DPP10: variants seen among roughly 807,000 people sequenced by gnomAD.
DPP10 encodes dipeptidyl peptidase like 10, also known as inactive dipeptidyl peptidase 10.
A neutral mutation model predicts 120.9 loss-of-function variants in DPP10; 33 were observed. That is an observed-to-expected ratio of 0.27 (90% CI 0.21 to 0.37). The LOEUF is 0.37. Ranked by LOEUF, DPP10 falls within the 10% of genes least tolerant of loss-of-function variation. The pLI, the probability that DPP10 is intolerant of heterozygous loss-of-function variation, is 1.00. For synonymous variants in DPP10, 337 were observed against 326.1 expected (o/e 1.03, Z -0.36); for missense variants, 816 against 942.8 (o/e 0.87, Z 1.76).
At chr2:115,805,374 C>T (rs1685808218) in intron 19 of DPP10, among the ~76,000 whole-genome samples, 1 of 152,134 alleles carries the variant, frequency 6.6e-6, no homozygotes, top group Non-Finnish European at 1.5e-5. Flanking sequence ...ACCCCTTGCG[C>T]TTCCCGGGTG....
chr2:115,328,730 C>T (rs1281362382), intron 2 of DPP10, among the ~76,000 whole-genome samples: 5 of 152,102 alleles, frequency 3.3e-5, no homozygotes, highest in Non-Finnish European at 7.4e-5. Flanking sequence ...CACATAACCT[C>T]TGTCCTTCCC....
At chr2:115,242,389 G>GT (rs370759699) in intron 1 of DPP10, among the ~76,000 whole-genome samples, 4 of 151,836 alleles carry the variant, frequency 2.6e-5, no homozygotes, top group Non-Finnish European at 4.4e-5. Context: ...ATATCCCACA[G>GT]TTTTTTTATC....
intron 1 of DPP10, among the ~76,000 whole-genome samples, chr2:114,999,109 C>G (rs576429034): frequency 2.0e-5 from 3 of 152,258 alleles, no homozygotes; most frequent in Non-Finnish European, 4.4e-5. Flanking sequence ...CCCATGAGAG[C>G]AGAGACTGTT....
chr2:115,222,511 G>A (rs62167277), intron 1 of DPP10, among the ~76,000 whole-genome samples: 61,314 of 151,844 alleles, frequency 0.4, 13,539 homozygotes, highest in Non-Finnish European at 0.5. Context: ...TCTCTTGTCT[G>A]CTGCCATGTG....
rs2078031850 is a variant in DPP10 at position 115,524,896 on chromosome 2, A to G, written c.367-1002A>G. On this transcript the variant is annotated intron_variant, in intron 4 of 25. Transcript: ENST00000410059. ...GACCAAATATATATTTTATTATACCACCCAAACTTGCCAAATATTGATTAG... is the reference window on the plus strand; with the variant it reads ...GACCAAATATATATTTTATTATACCGCCCAAACTTGCCAAATATTGATTAG... Among the ~76,000 whole-genome samples the G allele has an allele frequency of 2.0e-5, 3 of 152,082 alleles. No individual in the cohort carries two copies. The East Asian group carries it at 5.8e-4, about 29-fold the overall frequency.
At chr2:115,522,071 T>G (rs1366444982) in intron 4 of DPP10, among the ~76,000 whole-genome samples, 2 of 152,176 alleles carry the variant, frequency 1.3e-5, no homozygotes, top group Non-Finnish European at 1.5e-5. Context: ...TGAATCATAA[T>G]TTTAAAATTA....
intron 1 of DPP10, among the ~76,000 whole-genome samples, chr2:114,683,731 G>C (rs1699184158): frequency 6.6e-6 from 1 of 151,814 alleles, no homozygotes; most frequent in Non-Finnish European, 1.5e-5. Context: ...CTTGAGGACA[G>C]TGCAGCTCAG....
intron 1 of DPP10, among the ~76,000 whole-genome samples, chr2:115,246,817 A>G (rs1233166288): frequency 1.3e-5 from 2 of 152,162 alleles, no homozygotes; most frequent in South Asian, 2.1e-4. Context: ...GTATAACCAC[A>G]TCTACCATGT....
rs779200218 is a variant in DPP10 at position 114,882,633 on chromosome 2, G to T, written c.61-426606G>T. Among the ~76,000 whole-genome samples, 69 of 151,958 alleles carry T rather than the reference G, an allele frequency of 4.5e-4. 1 individual carries two copies. The highest frequency in any genetic ancestry group is 1.3e-3 in the African/African-American group (53 of 41,458). ...CTAAATCTCTAAAATCACCGCTAAA[G>T]AACTTATCCATGTAAACAGAAAACC... is the stretch of plus-strand genomic sequence containing the variant. On this transcript the variant is annotated intron_variant, in intron 1 of 25. Coordinates refer to ENST00000410059, the MANE Select transcript of DPP10 (RefSeq NM_020868.6).
At chr2:114,568,357 A>G (rs1325053641) in intron 1 of DPP10, among the ~76,000 whole-genome samples, 1 of 152,210 alleles carries the variant, frequency 6.6e-6, no homozygotes, top group African/African-American at 2.4e-5. Context: ...ATTGCTGAGT[A>G]TAGTCACTCG....
intron 1 of DPP10, among the ~76,000 whole-genome samples, chr2:114,804,871 G>A (rs933353305): frequency 6.6e-6 from 1 of 152,110 alleles, no homozygotes; most frequent in Non-Finnish European, 1.5e-5. Context: ...GATTGGTTTT[G>A]AAATGTGGGG....
At chr2:114,594,899 T>C (rs1014597938) in intron 1 of DPP10, among the ~76,000 whole-genome samples, 1 of 152,106 alleles carries the variant, frequency 6.6e-6, no homozygotes, top group Non-Finnish European at 1.5e-5. Context: ...CTTTCTCTCA[T>C]GTTCCTTCCA....
chr2:115,844,961 CT>C lies in DPP10; in HGVS notation c.*2618del, dbSNP rs1283498923. ...GACAGAACTAAAGGAAGGAATCACT[CT>C]TCAAAAGATGGATCTCACTTCACTC... On this transcript the variant is annotated 3_prime_UTR_variant, in exon 26 of 26. Coordinates refer to ENST00000410059, the MANE Select transcript of DPP10 (RefSeq NM_020868.6). 2 of 152,150 alleles carry C rather than the reference CT, an allele frequency of 1.3e-5. No individual in the cohort carries two copies. The highest frequency in any genetic ancestry group is 2.4e-5 in the African/African-American group (1 of 41,444). 9.4% of individuals were successfully genotyped at this position (152,150 alleles called of 1,614,324 possible).
At chr2:115,640,786 G>GT (rs1171919821) in intron 5 of DPP10, among the ~76,000 whole-genome samples, 1 of 152,152 alleles carries the variant, frequency 6.6e-6, no homozygotes, top group African/African-American at 2.4e-5. Context: ...GATGGTTCCG[G>GT]TTGCCTTGGG....
At chr2:115,801,200 G>A (rs1685195037) in intron 19 of DPP10, among the ~76,000 whole-genome samples, 1 of 152,072 alleles carries the variant, frequency 6.6e-6, no homozygotes, top group Admixed American at 6.5e-5. Context: ...TGAAACAATT[G>A]TGAATGGGAG....
intron 1 of DPP10, among the ~76,000 whole-genome samples, chr2:114,507,050 C>CTTTTTTTTT (rs1227607834): frequency 3.2e-5 from 4 of 124,766 alleles, no homozygotes; most frequent in East Asian, 2.1e-4. Flanking sequence ...CTTTTTTTTT[C>CTTTTTTTTT]TTTTTTTTTT....
At chr2:115,142,721 T>C (rs998022733) in intron 1 of DPP10, among the ~76,000 whole-genome samples, 2 of 152,074 alleles carry the variant, frequency 1.3e-5, no homozygotes. Context: ...GGAAGTTGGG[T>C]TGTTCCCTGG....
At chr2:114,821,261 C>T (rs2090675) in intron 1 of DPP10, among the ~76,000 whole-genome samples, 28 of 152,124 alleles carry the variant, frequency 1.8e-4, no homozygotes, top group African/African-American at 6.8e-4. Context: ...TGATGTTCTA[C>T]ACACTGGGGA....
At chr2:115,569,013 T>G (rs1319908255) in intron 5 of DPP10, among the ~76,000 whole-genome samples, 2 of 152,220 alleles carry the variant, frequency 1.3e-5, no homozygotes, top group African/African-American at 4.8e-5. Flanking sequence ...GTCCATGCCA[T>G]AACAAAGTTC....
Sources: allele counts gnomAD v4.1 joint callset (sites outside exome capture counted in the v4.1 genomes callset), GRCh38; gene constraint gnomAD v4.1.1; transcripts MANE v1.5; gene names NCBI Gene and HGNC (gene_info 2026-07-23, HGNC 2026-07-21).